LITAF: variants seen among roughly 807,000 people sequenced by gnomAD.
LITAF encodes the protein lipopolysaccharide-induced tumor necrosis factor-alpha factor.
A neutral mutation model predicts 14.5 loss-of-function variants in LITAF; 9 were observed. The observed-to-expected ratio is 0.62, with a 90% CI of 0.37 to 1.08. LITAF has a LOEUF of 1.08. LITAF is among the 50% of genes least tolerant of loss of function. LITAF has a pLI of 0.01. For synonymous variants in LITAF, 98 were observed against 88.2 expected (o/e 1.11, Z -0.62); for missense variants, 206 against 213.4 (o/e 0.97, Z 0.22).
chr16:11,600,464 G>A (rs554306548), upstream of LITAF, among the ~76,000 whole-genome samples: 6 of 152,300 alleles, frequency 3.9e-5, no homozygotes, highest in South Asian at 2.1e-4. The surrounding 1 kb of genome is among the most constrained non-coding windows in gnomAD (Gnocchi z 4.1). Flanking sequence ...GGTCCCCAGC[G>A]CAACCCCACC....
intron 1 of LITAF, among the ~76,000 whole-genome samples, chr16:11,557,074 G>GTTT (rs112158406): frequency 6.7e-6 from 1 of 149,206 alleles, no homozygotes; most frequent in Non-Finnish European, 1.5e-5. Flanking sequence ...GTTTTTTTTT[G>GTTT]TTTGTTTTTT....
In LITAF at chr16:11,553,761, G is replaced by C. The variant is rs767011889; in HGVS notation, c.221-72C>G. The C allele has an allele frequency of 1.3e-6, 2 of 1,540,662 alleles. No individual in the cohort carries two copies. The highest frequency in any genetic ancestry group is 2.7e-5 in the African/African-American group (2 of 73,422). ...CCAATAGCATTCACTACAGGACAAA[G>C]AGAGGAACGCAGGGATGCCAGCAAA... On this transcript the variant is annotated intron_variant, in intron 2 of 3. Coordinates refer to ENST00000622633, the MANE Select transcript of LITAF (RefSeq NM_001136472.2). The surrounding 1 kb of genome is among the most constrained non-coding windows in gnomAD (Gnocchi z 7.7).
intron 1 of LITAF, chr16:11,636,086 C>T (rs1319126103): frequency 6.6e-6 from 1 of 152,194 alleles, no homozygotes; most frequent in Non-Finnish European, 1.5e-5. Context: ...TGGGGCTACC[C>T]AGGCTCTGAG....
At chr16:11,591,460 C>A (rs1173253039), upstream of LITAF, among the ~76,000 whole-genome samples, 1 of 151,824 alleles carries the variant, frequency 6.6e-6, no homozygotes, top group African/African-American at 2.4e-5. Flanking sequence ...GCTGGGATTA[C>A]AGGTATGAGC....
At chr16:11,637,668 G>GCC (rs2065143288), upstream of LITAF, among the ~76,000 whole-genome samples, 1 of 151,768 alleles carries the variant, frequency 6.6e-6, no homozygotes, top group Non-Finnish European at 1.5e-5. Flanking sequence ...GATCACTTGA[G>GCC]CCCAGGAGTT....
chr16:11,608,778 C>A (rs1179936475), intron 3 of LITAF, among the ~76,000 whole-genome samples: 1 of 152,162 alleles, frequency 6.6e-6, no homozygotes, highest in Non-Finnish European at 1.5e-5. Context: ...GCCTGGCCAA[C>A]ATGGTGAAAC....
Position 11,605,617 on chromosome 16 carries a change from G to C in LITAF, c.85+27916C>G, listed in dbSNP as rs953184078. ...TGAGATGGGACAAGGAGTGAGAAGA[G>C]GGGAGGAAGCAAGAAAAAGTAAAGC... On this transcript the variant is annotated intron_variant, in intron 3 of 3. Coordinates refer to the LITAF transcript ENST00000574848. The surrounding 1 kb of genome is among the most constrained non-coding windows in gnomAD (Gnocchi z 4.7). Among the ~76,000 whole-genome samples, 1 of 152,154 alleles carries C rather than the reference G, an allele frequency of 6.6e-6. No homozygotes were observed. The highest frequency in any genetic ancestry group is 2.4e-5 in the African/African-American group (1 of 41,438).
intron 1 of LITAF, among the ~76,000 whole-genome samples, chr16:11,592,391 C>T (rs1484480543): frequency 6.6e-6 from 1 of 151,924 alleles, no homozygotes; most frequent in Non-Finnish European, 1.5e-5. Flanking sequence ...GCCTAACCAA[C>T]ATGGTGAAAC....
chr16:11,614,960 C>A (rs1185259539), intron 3 of LITAF, among the ~76,000 whole-genome samples: 2 of 152,188 alleles, frequency 1.3e-5, no homozygotes, highest in African/African-American at 4.8e-5. Context: ...ACCCTGTGGC[C>A]CGCTGTCAGA....
intron 3 of LITAF, among the ~76,000 whole-genome samples, chr16:11,622,248 A>G (rs4780394): frequency 0.33 from 50,750 of 152,188 alleles, 10,339 homozygotes; most frequent in East Asian, 0.49. Context: ...ACCGCCTGGC[A>G]CGGCCACCCT....
chr16:11,613,312 A>G (rs9922730), intron 3 of LITAF, among the ~76,000 whole-genome samples: 7,327 of 152,166 alleles, frequency 0.048, 625 homozygotes, highest in African/African-American at 0.17. Flanking sequence ...CTGGATCCCC[A>G]TGGGATGGAG....
chr16:11,598,224 T>C (rs960552203), intron 1 of LITAF, among the ~76,000 whole-genome samples: 6 of 151,234 alleles, frequency 4.0e-5, no homozygotes, highest in African/African-American at 9.7e-5. Flanking sequence ...TGGGTCTCCA[T>C]GCAAGTTTCT....
Position 11,548,207 on chromosome 16 carries a change from G to T in LITAF, c.*1430C>A. ...TTTCTACATAGTAGTATTCACATGAGTTCCCTATTCTGAAGTATTATCAAA... is the reference window on the plus strand; with the variant it reads ...TTTCTACATAGTAGTATTCACATGATTTCCCTATTCTGAAGTATTATCAAA... On this transcript the variant is annotated 3_prime_UTR_variant, in exon 4 of 4. Transcript: ENST00000622633. The T allele has an allele frequency of 2.2e-6, 1 of 454,104 alleles. No individual in the cohort carries two copies. The highest frequency in any genetic ancestry group is 4.4e-6 in the Non-Finnish European group (1 of 226,798). The allele number at this position is 454,104 out of a possible 1,614,324, so 28.1% of individuals were successfully genotyped here.
upstream of LITAF, among the ~76,000 whole-genome samples, chr16:11,638,663 T>TGCACTCCA (rs1397497897): frequency 1.6e-5 from 2 of 129,008 alleles, no homozygotes; most frequent in Non-Finnish European, 3.1e-5. Flanking sequence ...ATCACGCCTC[T>TGCACTCCA]GCACTCCAGC....
At chr16:11,621,316 G>A (rs1261207423) in intron 3 of LITAF, among the ~76,000 whole-genome samples, 3 of 152,030 alleles carry the variant, frequency 2.0e-5, no homozygotes, top group Admixed American at 6.6e-5. Context: ...TGCCCACCTC[G>A]GCCTCCCAAA....
At chr16:11,582,371 T>TACCC (rs1183530323) in intron 1 of LITAF, among the ~76,000 whole-genome samples, 1 of 144,830 alleles carries the variant, frequency 6.9e-6, no homozygotes, top group Non-Finnish European at 1.5e-5. Context: ...CACATGTGGG[T>TACCC]GGTAAACTCT....
rs1349146560 is a variant in LITAF, at chr16:11,564,486, C to T, written c.-5-7751G>A. On this transcript the variant is annotated intron_variant, in intron 1 of 3. Coordinates refer to ENST00000622633, the MANE Select transcript of LITAF (RefSeq NM_001136472.2). ...CCTGGGTGTCATCCTACTCCTTGCG[C>T]GCCCAAAACGGGTTCATTCAACGTT... Among the ~76,000 whole-genome samples the T allele has an allele frequency of 3.9e-5, 6 of 152,040 alleles. No individual in the cohort carries two copies. In the East Asian group the frequency reaches 5.8e-4, roughly 15 times the overall value.
intron 2 of LITAF, among the ~76,000 whole-genome samples, chr16:11,635,069 TAA>T (rs1567269976): frequency 1.5e-4 from 12 of 77,798 alleles, no homozygotes; most frequent in African/African-American, 1.2e-3. Flanking sequence ...TAAAATAAAA[TAA>T]AATAAAATAA....
chr16:11,620,200 G>GAAAAAT (rs2065041581), intron 3 of LITAF, among the ~76,000 whole-genome samples: 1 of 151,234 alleles, frequency 6.6e-6, no homozygotes, highest in Non-Finnish European at 1.5e-5. Context: ...AAAAGAAAAA[G>GAAAAAT]AAAAGTAATC....
Sources: allele counts gnomAD v4.1 joint callset (sites outside exome capture counted in the v4.1 genomes callset), GRCh38; gene constraint gnomAD v4.1.1; non-coding constraint Gnocchi (gnomAD v3.1); transcripts MANE v1.5; gene names NCBI Gene and HGNC (gene_info 2026-07-23, HGNC 2026-07-21).